Variants in CCDC90B observed in about 807,000 individuals in gnomAD.
The protein encoded by CCDC90B is coiled-coil domain-containing protein 90B, mitochondrial.
Under a neutral mutation model 37.0 loss-of-function variants are expected in CCDC90B, and 24 were observed. The ratio of observed to expected loss-of-function variants is 0.65; its 90% CI spans 0.47 to 0.91. The LOEUF (loss-of-function observed/expected upper bound fraction) is 0.91, where lower values mean the gene tolerates loss of function less well. Among genes scored for constraint, CCDC90B ranks in the 40% least tolerant of loss-of-function variants. The pLI, the probability that CCDC90B is intolerant of heterozygous loss-of-function variation, is 0.00. For missense variants in CCDC90B, 319 were observed against 299.0 expected, an observed-to-expected ratio of 1.07 and a Z score of -0.49; for synonymous variants, 113 against 101.1, an observed-to-expected ratio of 1.12 and a Z score of -0.71.
chr11:83,274,751 A>C lies in CCDC90B; in HGVS notation c.325-11T>G, dbSNP rs749698777. On this transcript the variant is annotated splice_polypyrimidine_tract_variant and intron_variant, in intron 3 of 8. Coordinates refer to ENST00000529689, the MANE Select transcript of CCDC90B (RefSeq NM_021825.5). ...TTGTACTGTTATTTCCTAGAAAACAAAATAAAAATAACCTAGTGATCTATA... is the reference window on the plus strand; with the variant it reads ...TTGTACTGTTATTTCCTAGAAAACACAATAAAAATAACCTAGTGATCTATA... 4 of 1,518,312 alleles carry C rather than the reference A, an allele frequency of 2.6e-6. No individual in the cohort carries two copies. Among genetic ancestry groups the C allele is most frequent in the Non-Finnish European group, 3.6e-6 (4 of 1,099,186 alleles). The allele number at this position is 1,518,312 out of a possible 1,614,324, so 94.1% of individuals were successfully genotyped here.
chr11:83,271,377 G>C (rs1407828969), intron 7 of CCDC90B, among the ~76,000 whole-genome samples: 2 of 152,172 alleles, frequency 1.3e-5, no homozygotes, highest in African/African-American at 4.8e-5. Context: ...CTACCCATCT[G>C]ACAAAGGGCT....
At chr11:83,278,281 G>A (rs577157807) in intron 3 of CCDC90B, among the ~76,000 whole-genome samples, 4 of 152,274 alleles carry the variant, frequency 2.6e-5, no homozygotes, top group African/African-American at 9.6e-5. Flanking sequence ...AAATTAAGGC[G>A]TCTTAGCCAG....
chr11:83,270,290 G>C (rs547619396), intron 7 of CCDC90B, among the ~76,000 whole-genome samples: 205 of 152,296 alleles, frequency 1.3e-3, no homozygotes, highest in Non-Finnish European at 1.1e-3. Flanking sequence ...ACATAGTGTT[G>C]GAAGTTCTGG....
At chr11:83,279,376 T>C (rs1282484582) in intron 2 of CCDC90B, among the ~76,000 whole-genome samples, 1 of 151,364 alleles carries the variant, frequency 6.6e-6, no homozygotes, top group African/African-American at 2.4e-5. Context: ...TGGATATGAC[T>C]TTTTTTTTGA....
At chr11:83,262,152 A>C (rs1057434263) in intron 8 of CCDC90B, among the ~76,000 whole-genome samples, 186 bp from the exon 9 acceptor site, 8 of 152,192 alleles carry the variant, frequency 5.3e-5, no homozygotes, top group Non-Finnish European at 1.0e-4. Flanking sequence ...TTAATGCCTA[A>C]TTCTTCTTAA....
chr11:83,265,741 C>G, intron 8 of CCDC90B, 124 bp downstream of exon 8: 1 of 614,050 alleles, frequency 1.6e-6, no homozygotes, highest in Non-Finnish European at 2.9e-6. Flanking sequence ...CTACAGGGGA[C>G]CAAGCAATAA....
chr11:83,283,154 G>A (rs990430689), intron 1 of CCDC90B, among the ~76,000 whole-genome samples: 2 of 152,174 alleles, frequency 1.3e-5, no homozygotes, highest in Non-Finnish European at 2.9e-5. Flanking sequence ...AATCCCCAAT[G>A]CCTACACAAT....
Position 83,261,876 on chromosome 11 carries a change from A to G in CCDC90B, c.*35T>C, listed in dbSNP as rs1863943825. On this transcript the variant is annotated 3_prime_UTR_variant, in exon 9 of 9. Transcript: ENST00000529689. The stretch of plus-strand genomic sequence containing the variant: ...AAATCTCTCCCGGTTTGGTGTTCTA[A>G]GAAGCCAACAGCCACAGCAGGATGA... 1.3e-6 allele frequency: 2 copies of G among 1,519,078 alleles called. No homozygotes were observed. The highest frequency in any genetic ancestry group is 4.6e-5 in the East Asian group (2 of 43,758). The allele number at this position is 1,519,078 out of a possible 1,614,324, so 94.1% of individuals were successfully genotyped here.
rs1863826947 is a variant in CCDC90B, at chr11:83,259,130, C to CAA, written c.*2779_*2780dup. The CAA allele has an allele frequency of 6.6e-6, 1 of 152,168 alleles. No individual in the cohort carries two copies. The highest frequency in any genetic ancestry group is 6.5e-5 in the Admixed American group (1 of 15,274). 9.4% of individuals were successfully genotyped at this position (152,168 alleles called of 1,614,324 possible). A position where few individuals can be genotyped will look rare whatever the true frequency, so the allele number is the denominator to read the frequency against. The stretch of plus-strand genomic sequence containing the variant: ...TATCATTTATTCCACAGGCGTTTAA[C>CAA]AAGTACCTCACATGTGTCTAGAGGC... On this transcript the variant is annotated 3_prime_UTR_variant, in exon 9 of 9. Coordinates refer to ENST00000529689, the MANE Select transcript of CCDC90B (RefSeq NM_021825.5).
chr11:83,273,924 T>G, intron 5 of CCDC90B, 27 bp downstream of exon 5: 1 of 1,586,698 alleles, frequency 6.3e-7, no homozygotes, highest in South Asian at 1.2e-5. Flanking sequence ...GTTCTGAAAT[T>G]AACAGCTAGA....
At chr11:83,277,471 AT>A (rs1865106908) in intron 3 of CCDC90B, among the ~76,000 whole-genome samples, 1 of 151,790 alleles carries the variant, frequency 6.6e-6, no homozygotes, top group South Asian at 2.1e-4. Flanking sequence ...ATAATTGGAG[AT>A]TACAGTTTTA....
intron 4 of CCDC90B, 38 bp downstream of exon 4, chr11:83,274,601 C>G (rs1168215387): frequency 8.3e-7 from 1 of 1,207,624 alleles, no homozygotes. Flanking sequence ...ATTATGAGAT[C>G]AGTTATTTTA....
rs565709884 is a variant in CCDC90B, at chr11:83,285,551, A to C, written c.100+322T>G. On this transcript the variant is annotated intron_variant, in intron 1 of 8. Coordinates refer to ENST00000529689, the MANE Select transcript of CCDC90B (RefSeq NM_021825.5). ...AACAGGACACCCTCAAACACAGATTACCTTACGTTGGCTCCTGACGAGATT... is the reference window on the plus strand; with the variant it reads ...AACAGGACACCCTCAAACACAGATTCCCTTACGTTGGCTCCTGACGAGATT... The C allele has an allele frequency of 2.9e-4, 353 of 1,207,414 alleles. 1 individual carries two copies. The highest frequency in any genetic ancestry group is 3.5e-4 in the Non-Finnish European group (338 of 964,558). 74.8% of individuals were successfully genotyped at this position (1,207,414 alleles called of 1,614,324 possible). A position where few individuals can be genotyped will look rare whatever the true frequency, so the allele number is the denominator to read the frequency against.
At chr11:83,285,303 C>G (rs773051167) in intron 1 of CCDC90B, 2 of 1,234,378 alleles carry the variant, frequency 1.6e-6, no homozygotes, top group African/African-American at 3.2e-5. Context: ...AGTTAGATGT[C>G]TTCAGGACAC....
chr11:83,262,675 A>T (rs1402362356), intron 8 of CCDC90B, among the ~76,000 whole-genome samples: 1 of 152,226 alleles, frequency 6.6e-6, no homozygotes, highest in East Asian at 1.9e-4. Context: ...TTTATGAATA[A>T]AGACACAAGA....
At chr11:83,271,106 C>G (rs764870430) in intron 7 of CCDC90B, among the ~76,000 whole-genome samples, 23 of 152,140 alleles carry the variant, frequency 1.5e-4, no homozygotes, top group Non-Finnish European at 2.2e-4. Flanking sequence ...TTCCTTACAC[C>G]TTATACAAAA....
In CCDC90B at chr11:83,273,939, A is replaced by AT; in HGVS notation, c.468+11_468+12insA. On this transcript the variant is annotated intron_variant, in intron 5 of 8. Coordinates refer to ENST00000529689, the MANE Select transcript of CCDC90B (RefSeq NM_021825.5). ...GTTCTGAAATTAACAGCTAGAAAAA[A>AT]AATTCACTTACCATTAGTTGTTGCT... The AT allele has an allele frequency of 6.3e-7, 1 of 1,592,868 alleles. No individual in the cohort carries two copies. The highest frequency in any genetic ancestry group is 8.5e-7 in the Non-Finnish European group (1 of 1,171,830).
chr11:83,277,661 T>G (rs1467783184), intron 3 of CCDC90B, among the ~76,000 whole-genome samples: 1 of 151,748 alleles, frequency 6.6e-6, no homozygotes, highest in African/African-American at 2.4e-5. Context: ...TTTTGTTTTT[T>G]TTTTTGTTTT....
chr11:83,274,203 C>A, intron 4 of CCDC90B: 1 of 391,056 alleles, frequency 2.6e-6, no homozygotes, highest in Non-Finnish European at 4.5e-6. Context: ...TTATATTATA[C>A]TTTTAAAAAC....
Sources: gnomAD v4.1 joint callset for allele counts (sites outside exome capture counted in the v4.1 genomes callset) on GRCh38, gnomAD v4.1.1 for gene constraint, MANE v1.5 for transcripts, NCBI Gene and HGNC (gene_info 2026-07-23, HGNC 2026-07-21) for gene names.